The following CEP128 variants were observed in gnomAD, a reference collection of about 807,000 sequenced individuals.
The protein encoded by CEP128 is centrosomal protein 128kDa.
In CEP128, 132 loss-of-function variants were observed where a neutral mutation model predicts 156.7. The ratio of observed to expected loss-of-function variants is 0.84; its 90% CI spans 0.73 to 0.97. The LOEUF (loss-of-function observed/expected upper bound fraction) is 0.97. Among genes scored for constraint, CEP128 ranks in the 50% least tolerant of loss-of-function variants. The probability of loss-of-function intolerance (pLI) is 0.00; values close to 1 mark genes in which losing one functional copy is unlikely to be tolerated. For missense variants in CEP128, 1,252 were observed against 1,281.9 expected, an observed-to-expected ratio of 0.98 and a Z score of 0.36; for synonymous variants, 469 against 448.9, an observed-to-expected ratio of 1.04 and a Z score of -0.57.
chr14:80,846,677 T>C (rs1886618498), intron 9 of CEP128, among the ~76,000 whole-genome samples: 1 of 152,164 alleles, frequency 6.6e-6, no homozygotes, highest in Non-Finnish European at 1.5e-5. Flanking sequence ...CATTTAATAA[T>C]TAATAGCCTT....
intron 21 of CEP128, among the ~76,000 whole-genome samples, chr14:80,550,398 G>A (rs1055416055): frequency 6.6e-6 from 1 of 151,918 alleles, no homozygotes; most frequent in Non-Finnish European, 1.5e-5. Flanking sequence ...TAGTTGCAAA[G>A]GATGACATTT....
chr14:80,533,883 A>G (rs1188524960), intron 21 of CEP128, among the ~76,000 whole-genome samples: 1 of 152,198 alleles, frequency 6.6e-6, no homozygotes. Context: ...AAGATCCACA[A>G]ACATAGATGG....
chr14:80,590,235 G>T (rs78539909), intron 19 of CEP128, among the ~76,000 whole-genome samples: 2 of 152,048 alleles, frequency 1.3e-5, no homozygotes, highest in Non-Finnish European at 2.9e-5. Flanking sequence ...CATAAGAGAC[G>T]TAACTCTTGG....
intron 19 of CEP128, among the ~76,000 whole-genome samples, chr14:80,597,601 C>A (rs1892385912): frequency 1.4e-5 from 2 of 144,786 alleles, no homozygotes; most frequent in African/African-American, 5.1e-5. Context: ...AAACAATAGA[C>A]AATTGTCCCT....
intron 7 of CEP128, among the ~76,000 whole-genome samples, chr14:80,898,087 A>G (rs562853903): frequency 4.6e-5 from 7 of 152,330 alleles, no homozygotes; most frequent in African/African-American, 1.7e-4. Context: ...GTCCAAATCA[A>G]TTCTTCATAT....
intron 19 of CEP128, among the ~76,000 whole-genome samples, chr14:80,676,156 C>A (rs1304291869): frequency 6.6e-6 from 1 of 152,084 alleles, no homozygotes; most frequent in Non-Finnish European, 1.5e-5. Flanking sequence ...AGCTGAACAT[C>A]TCTATGATAC....
intron 24 of CEP128, among the ~76,000 whole-genome samples, chr14:80,499,238 G>C (rs543706695): frequency 6.6e-6 from 1 of 152,116 alleles, no homozygotes; most frequent in Non-Finnish European, 1.5e-5. Context: ...ACAGTTAGCC[G>C]GGTAGACCTT....
intron 20 of CEP128, among the ~76,000 whole-genome samples, chr14:80,568,068 T>G (rs1890990258): frequency 6.6e-6 from 1 of 152,198 alleles, no homozygotes; most frequent in Non-Finnish European, 1.5e-5. Flanking sequence ...AGCAGGCTTG[T>G]GTCATGCAGA....
chr14:80,928,556 C>T (rs959778202), intron 2 of CEP128, among the ~76,000 whole-genome samples: 1 of 151,708 alleles, frequency 6.6e-6, no homozygotes, highest in African/African-American at 2.4e-5. Flanking sequence ...TTTCAGAGCT[C>T]GAAAACAAGG....
chr14:80,863,459 C>T (rs1334147450), intron 8 of CEP128, among the ~76,000 whole-genome samples: 1 of 152,038 alleles, frequency 6.6e-6, no homozygotes, highest in African/African-American at 2.4e-5. Context: ...GGACTCTAAA[C>T]GTGAAAGAAA....
rs560740907 is a variant in CEP128, at chr14:80,728,465, C to A, written c.2806+14610G>T. Among the ~76,000 whole-genome samples, 8 of 151,870 alleles carry A rather than the reference C, an allele frequency of 5.3e-5. No homozygotes were observed. In the East Asian group the frequency reaches 1.5e-3, roughly 29 times the overall value. Reference sequence around the variant, plus strand: ...ATTTGTATACTAAACCCCAGTGGCACGCTATTTAGTCATATAACAAATCTG... The same window carrying A: ...ATTTGTATACTAAACCCCAGTGGCAAGCTATTTAGTCATATAACAAATCTG... On this transcript the variant is annotated intron_variant, in intron 19 of 24. Coordinates refer to ENST00000555265, the MANE Select transcript of CEP128 (RefSeq NM_152446.5).
intron 23 of CEP128, among the ~76,000 whole-genome samples, chr14:80,511,249 C>G (rs1457954270): frequency 6.6e-6 from 1 of 151,748 alleles, no homozygotes; most frequent in Non-Finnish European, 1.5e-5. Context: ...CTTTTCTTTG[C>G]TGGGAACCTT....
chr14:80,748,643 T>A (rs917651460), intron 18 of CEP128, among the ~76,000 whole-genome samples: 2 of 152,172 alleles, frequency 1.3e-5, no homozygotes, highest in South Asian at 4.1e-4. Flanking sequence ...GGTCAAGACG[T>A]ATAACCCATA....
intron 19 of CEP128, among the ~76,000 whole-genome samples, chr14:80,685,842 A>C (rs35636766): frequency 0.023 from 3,558 of 152,240 alleles, 59 homozygotes; most frequent in Non-Finnish European, 0.037. Flanking sequence ...CAAAGTCAAC[A>C]AAAATTATTA....
chr14:80,955,930 C>T, intron 2 of CEP128: 1 of 1,561,464 alleles, frequency 6.4e-7, no homozygotes, highest in Non-Finnish European at 8.8e-7. Context: ...ACAAAAGCAG[C>T]TCAATAACAG....
At chr14:80,605,368 AT>A (rs1217144911) in intron 19 of CEP128, among the ~76,000 whole-genome samples, 3 of 152,056 alleles carry the variant, frequency 2.0e-5, no homozygotes, top group Non-Finnish European at 4.4e-5. Flanking sequence ...TTAAATAATT[AT>A]TTTTGTTGTT....
At chr14:80,703,389 T>C (rs1344296720) in intron 19 of CEP128, among the ~76,000 whole-genome samples, 3 of 152,014 alleles carry the variant, frequency 2.0e-5, no homozygotes, top group Admixed American at 6.6e-5. Flanking sequence ...TTTAGCAAAA[T>C]TTATGTTTTC....
chr14:80,622,155 C>A (rs1893505156), intron 19 of CEP128, among the ~76,000 whole-genome samples: 1 of 152,096 alleles, frequency 6.6e-6, no homozygotes, highest in South Asian at 2.1e-4. Flanking sequence ...CTGTTTTTAG[C>A]ATTCTTTATG....
rs116124189 is a variant in CEP128, at chr14:80,550,080, T to A, written c.2880+9199A>T. On this transcript the variant is annotated intron_variant, in intron 21 of 24. Coordinates refer to ENST00000555265, the MANE Select transcript of CEP128 (RefSeq NM_152446.5). ...CACAGTGTTTTTAAAAGAAAAATCA[T>A]ATTTCTAAGAGTTTTCCAGTGTTTT... Among the ~76,000 whole-genome samples, 1,086 of 152,324 alleles carry A rather than the reference T, an allele frequency of 7.1e-3. 18 individuals carry two copies. Among genetic ancestry groups the A allele is most frequent in the African/African-American group, 0.025 (1,041 of 41,576 alleles).
Sources: allele counts gnomAD v4.1 joint callset (sites outside exome capture counted in the v4.1 genomes callset), GRCh38; gene constraint gnomAD v4.1.1; transcripts MANE v1.5; gene names NCBI Gene and HGNC (gene_info 2026-07-23, HGNC 2026-07-21).